Variants in SGSM1 observed in about 807,000 individuals in gnomAD.
SGSM1 encodes the protein RUN and TBC1 domain containing 2.
In SGSM1, 73 loss-of-function variants were observed where a neutral mutation model predicts 133.8. That is an observed-to-expected ratio of 0.55 (90% CI 0.45 to 0.66). The LOEUF (loss-of-function observed/expected upper bound fraction) is 0.66, where lower values mean the gene tolerates loss of function less well. SGSM1 is among the 30% of genes least tolerant of loss of function. The pLI, the probability that SGSM1 is intolerant of heterozygous loss-of-function variation, is 0.00. For synonymous variants in SGSM1, 563 were observed against 573.0 expected, an observed-to-expected ratio of 0.98 and a Z score of 0.25; for missense variants, 1,213 against 1,448.1, an observed-to-expected ratio of 0.84 and a Z score of 2.64.
At chr22:24,874,287 G>A in intron 12 of SGSM1, 1 of 904,884 alleles carries the variant, frequency 1.1e-6, no homozygotes, top group Non-Finnish European at 1.7e-6. Context: ...CACAGTGAAT[G>A]TGGGAGCTGT....
intron 2 of SGSM1, among the ~76,000 whole-genome samples, chr22:24,834,350 TGGCCCTCG>T (rs1929302839): frequency 6.6e-6 from 1 of 152,266 alleles, no homozygotes; most frequent in African/African-American, 2.4e-5. Flanking sequence ...TGTGCAGGGT[TGGCCCTCG>T]GGCCAAATCC....
intron 11 of SGSM1, 78 bp downstream of exon 11, chr22:24,868,617 T>C (rs1196486427): frequency 1.9e-6 from 3 of 1,610,198 alleles, no homozygotes; most frequent in Non-Finnish European, 2.5e-6. Context: ...TGTGTGCCCT[T>C]ATGTGGCTAT....
chr22:24,835,132 GT>G (rs1168964491), intron 2 of SGSM1, among the ~76,000 whole-genome samples: 42 of 152,114 alleles, frequency 2.8e-4, no homozygotes, highest in Admixed American at 2.7e-3. Flanking sequence ...TAATTTTGCT[GT>G]TTCTTCTTAA....
rs749111042 is a variant in SGSM1, at chr22:24,924,286, C to T, written c.*12C>T. 8.7e-6 allele frequency: 14 copies of T among 1,612,110 alleles called. No homozygotes were observed. The South Asian group carries it at 1.5e-4, about 18-fold the overall frequency. On this transcript the variant is annotated 3_prime_UTR_variant, in exon 25 of 25. Transcript: ENST00000400358. ...TTGAGAACAAGTGAGGGGCACCTCA[C>T]CCCGGCAGCCTCAGCCAAGCTGCCC...
chr22:24,858,656 A>AT (rs1930951862), intron 8 of SGSM1, among the ~76,000 whole-genome samples: 1 of 148,806 alleles, frequency 6.7e-6, no homozygotes, highest in Non-Finnish European at 1.5e-5. Context: ...AAAAAAAAAA[A>AT]GAAGAAAGAC....
intron 2 of SGSM1, among the ~76,000 whole-genome samples, chr22:24,828,468 C>T (rs781013809): frequency 1.1e-4 from 16 of 152,070 alleles, no homozygotes; most frequent in Non-Finnish European, 1.8e-4. Context: ...ACAGACACTT[C>T]GCTAAAAAAG....
chr22:24,841,042 G>T (rs887100318), intron 2 of SGSM1, among the ~76,000 whole-genome samples: 2 of 151,966 alleles, frequency 1.3e-5, no homozygotes, highest in African/African-American at 2.4e-5. Flanking sequence ...AGTAGAGACG[G>T]GGTTTCACCG....
intron 21 of SGSM1, among the ~76,000 whole-genome samples, chr22:24,911,886 C>A (rs8135423): frequency 0.13 from 20,417 of 151,850 alleles, 2,942 homozygotes; most frequent in African/African-American, 0.35. Context: ...AACCCCGTCT[C>A]TACTAAAAAG....
At chr22:24,808,148 CTG>C (rs1927525557) in intron 2 of SGSM1, among the ~76,000 whole-genome samples, 1 of 141,120 alleles carries the variant, frequency 7.1e-6, no homozygotes, top group African/African-American at 2.7e-5. Flanking sequence ...GAGTCTCGCT[CTG>C]TTGCCCAGGA....
At chr22:24,893,671 A>G in intron 17 of SGSM1, 58 bp downstream of exon 17, 1 of 1,473,560 alleles carries the variant, frequency 6.8e-7, no homozygotes, top group Admixed American at 2.5e-5. Flanking sequence ...GGTCTGCTTC[A>G]TTGGGCTGTT....
chr22:24,899,321 G>A (rs1933037113), intron 19 of SGSM1, among the ~76,000 whole-genome samples: 1 of 151,776 alleles, frequency 6.6e-6, no homozygotes, highest in African/African-American at 2.4e-5. Context: ...TGTTCTGTGT[G>A]TCCAAGGACT....
chr22:24,910,586 G>T (rs888952438), intron 21 of SGSM1, among the ~76,000 whole-genome samples: 1 of 152,130 alleles, frequency 6.6e-6, no homozygotes, highest in Non-Finnish European at 1.5e-5. Context: ...GTTGGAGGTT[G>T]CAGTGAGCTA....
chr22:24,903,236 T>C (rs903318168), intron 20 of SGSM1, among the ~76,000 whole-genome samples: 1 of 151,042 alleles, frequency 6.6e-6, no homozygotes, highest in Admixed American at 6.6e-5. Context: ...GGAGATGGAG[T>C]CTCGCTCTGT....
Position 24,907,933 on chromosome 22 carries a change from A to AAAAAAAAAAAAAAG in SGSM1, c.2818+2748_2818+2749insAAAAAAAAAAAGAA, listed in dbSNP as rs60386136. Among the ~76,000 whole-genome samples, 8 of 109,986 alleles carry AAAAAAAAAAAAAAG rather than the reference A, an allele frequency of 7.3e-5. 1 individual carries two copies. The highest frequency in any genetic ancestry group is 3.5e-4 in the East Asian group (1 of 2,884). The allele number at this position is 109,986 out of a possible 152,430, so 72.2% of individuals were successfully genotyped here. A position where few individuals can be genotyped will look rare whatever the true frequency, so the allele number is the denominator to read the frequency against. ...TCTCAAAAAAAAAAAAAAAAAAAAA[A>AAAAAAAAAAAAAAG]AAGATGTTGCAGGACTCACAGTACC... On this transcript the variant is annotated intron_variant, in intron 21 of 24. Transcript: ENST00000400358.
At chr22:24,912,982 A>G (rs1933688643) in intron 22 of SGSM1, among the ~76,000 whole-genome samples, 1 of 152,184 alleles carries the variant, frequency 6.6e-6, no homozygotes, top group Admixed American at 6.5e-5. Flanking sequence ...TTATCATGGA[A>G]ATGAAGTAAA....
intron 2 of SGSM1, among the ~76,000 whole-genome samples, chr22:24,838,494 T>C (rs139653): frequency 0.19 from 29,670 of 152,214 alleles, 3,008 homozygotes; most frequent in Middle Eastern, 0.27. Flanking sequence ...TCTTTGATAC[T>C]TTTTTTGACA....
At chr22:24,921,209 C>T (rs192924587) in intron 24 of SGSM1, among the ~76,000 whole-genome samples, 2 of 152,028 alleles carry the variant, frequency 1.3e-5, no homozygotes, top group Non-Finnish European at 1.5e-5. Context: ...AAGTGATTCT[C>T]CCGCCTCAGC....
At chr22:24,899,830 T>C (rs1933065664) in intron 19 of SGSM1, among the ~76,000 whole-genome samples, 1 of 152,080 alleles carries the variant, frequency 6.6e-6, no homozygotes, top group African/African-American at 2.4e-5. Context: ...TTGCTTCTCT[T>C]TTTTATCATT....
At position 24,878,566 on chromosome 22, in the gene SGSM1, C is replaced by G. The variant is rs139355920; in HGVS notation, c.1431-896C>G. ...CCAGTCTACCTGTTTTTCTGGATGT[C>G]TCCTGGGATGTCCTGAGAACAAATA... On this transcript the variant is annotated intron_variant, in intron 13 of 24. Transcript: ENST00000400358. Among the ~76,000 whole-genome samples, 545 of 152,308 alleles carry G rather than the reference C, an allele frequency of 3.6e-3. 6 individuals carry two copies. The highest frequency in any genetic ancestry group is 0.012 in the African/African-American group (508 of 41,566).
Sources: gnomAD v4.1 joint callset for allele counts (sites outside exome capture counted in the v4.1 genomes callset) on GRCh38, gnomAD v4.1.1 for gene constraint, MANE v1.5 for transcripts, NCBI Gene and HGNC (gene_info 2026-07-23, HGNC 2026-07-21) for gene names.